DYDC1: variants seen among roughly 807,000 people sequenced by gnomAD.
The protein encoded by DYDC1 is DPY30 domain-containing protein 1.
In DYDC1, 21 loss-of-function variants were observed where a neutral mutation model predicts 27.9. That is an observed-to-expected ratio of 0.75 (90% CI 0.53 to 1.08). DYDC1 has a LOEUF of 1.08. DYDC1 is among the 50% of genes least tolerant of loss of function. The probability of loss-of-function intolerance (pLI) is 0.00; values close to 1 mark genes in which losing one functional copy is unlikely to be tolerated. For synonymous variants in DYDC1, 67 were observed against 65.8 expected, an observed-to-expected ratio of 1.02 and a Z score of -0.09; for missense variants, 202 against 205.9, an observed-to-expected ratio of 0.98 and a Z score of 0.12.
chr10:80,342,128 A>T (rs1437766937), intron 4 of DYDC1, 141 bp downstream of exon 4: 2 of 713,956 alleles, frequency 2.8e-6, no homozygotes, highest in Admixed American at 3.0e-5. Flanking sequence ...AGGTTATGAG[A>T]CTTGTTTAGC....
chr10:80,341,367 C>T (rs1398300428), intron 4 of DYDC1, among the ~76,000 whole-genome samples: 25 of 138,634 alleles, frequency 1.8e-4, no homozygotes, highest in African/African-American at 6.7e-4. Context: ...TGCTTGAACC[C>T]GGGAGGTGGA....
intron 1 of DYDC1, among the ~76,000 whole-genome samples, chr10:80,355,247 T>G (rs1843290426): frequency 6.6e-6 from 1 of 151,846 alleles, no homozygotes; most frequent in African/African-American, 2.4e-5. Flanking sequence ...ATCTAGCATT[T>G]TGCATAAAAT....
intron 3 of DYDC1, among the ~76,000 whole-genome samples, chr10:80,346,444 CTTTTTTTTTTTTTTTTT>C (rs1032729095): frequency 1.2e-5 from 1 of 83,360 alleles, no homozygotes; most frequent in Non-Finnish European, 2.2e-5. Flanking sequence ...TCTTCCCTTT[CTTTTTTTTTTTTTTTTT>C]TTTTTTTTTT....
chr10:80,338,825 G>T (rs190899015), intron 5 of DYDC1, among the ~76,000 whole-genome samples: 15 of 152,222 alleles, frequency 9.9e-5, no homozygotes, highest in Non-Finnish European at 2.1e-4. Flanking sequence ...TAAAATAATT[G>T]TAAGTAATTA....
chr10:80,356,473 C>A, intron 1 of DYDC1: 2 of 985,352 alleles, frequency 2.0e-6, no homozygotes, highest in Non-Finnish European at 2.4e-6. Flanking sequence ...GTTTTCCCAC[C>A]CGGGAGTCTG....
intron 1 of DYDC1, among the ~76,000 whole-genome samples, chr10:80,355,440 T>A (rs1216574372): frequency 6.6e-6 from 1 of 151,992 alleles, no homozygotes; most frequent in Non-Finnish European, 1.5e-5. Context: ...ATCTAGAAAA[T>A]CACATATGCA....
At chr10:80,346,642 A>G (rs545429850) in intron 3 of DYDC1, among the ~76,000 whole-genome samples, 10 of 150,184 alleles carry the variant, frequency 6.7e-5, no homozygotes, top group African/African-American at 2.4e-4. Context: ...TTGTATTTTT[A>G]GTAGAGACGG....
At chr10:80,339,756 T>C (rs977637254) in intron 4 of DYDC1, among the ~76,000 whole-genome samples, 2 of 152,196 alleles carry the variant, frequency 1.3e-5, no homozygotes, top group Non-Finnish European at 2.9e-5. Flanking sequence ...TAACTGACCC[T>C]GAGCTGATTC....
chr10:80,336,435 C>T lies in DYDC1; in HGVS notation c.505-250G>A, dbSNP rs369533089. 6 of 799,620 alleles carry T rather than the reference C, an allele frequency of 7.5e-6. No individual in the cohort carries two copies. The South Asian group carries it at 2.9e-4, about 38-fold the overall frequency. 49.5% of individuals were successfully genotyped at this position (799,620 alleles called of 1,614,324 possible). On this transcript the variant is annotated intron_variant, in intron 6 of 6. Transcript: ENST00000372202. ...TCATCCTTCTTGTAGGCTCCTCTTCCTGTGGCCATCCCTTCAATGTTAGAA... is the reference window on the plus strand; with the variant it reads ...TCATCCTTCTTGTAGGCTCCTCTTCTTGTGGCCATCCCTTCAATGTTAGAA...
intron 3 of DYDC1, among the ~76,000 whole-genome samples, chr10:80,348,322 A>C (rs1271549428): frequency 6.6e-6 from 1 of 152,242 alleles, no homozygotes; most frequent in Non-Finnish European, 1.5e-5. Context: ...CTATTATCAA[A>C]CATTAAATGG....
chr10:80,346,527 C>T (rs1842650043), intron 3 of DYDC1, among the ~76,000 whole-genome samples: 1 of 136,822 alleles, frequency 7.3e-6, no homozygotes, highest in South Asian at 2.4e-4. Context: ...GTGGCGCGAT[C>T]TCAGCTCACT....
At chr10:80,340,153 GC>G (rs1369139086) in intron 4 of DYDC1, among the ~76,000 whole-genome samples, 1 of 152,214 alleles carries the variant, frequency 6.6e-6, no homozygotes, top group Admixed American at 6.5e-5. Flanking sequence ...CCAGGGAGCA[GC>G]AGAGGGGAGA....
chr10:80,337,161 G>C, intron 6 of DYDC1: 1 of 985,404 alleles, frequency 1.0e-6, no homozygotes, highest in Non-Finnish European at 1.2e-6. Context: ...CTCATCTCAG[G>C]CTAATTCCTT....
chr10:80,336,617 C>G (rs987509926), intron 6 of DYDC1, among the ~76,000 whole-genome samples: 7 of 152,368 alleles, frequency 4.6e-5, no homozygotes, highest in African/African-American at 1.4e-4. Context: ...CTGTTCTTGG[C>G]TGTTTTCACC....
chr10:80,338,634 T>G (rs1232164071), intron 5 of DYDC1, 63 bp from the exon 6 acceptor site: 130 of 1,410,482 alleles, frequency 9.2e-5, no homozygotes, highest in Non-Finnish European at 1.2e-4. Context: ...TACTTTTCTT[T>G]CAATTTTGAT....
intron 3 of DYDC1, among the ~76,000 whole-genome samples, chr10:80,346,116 G>A (rs1220656860): frequency 1.3e-5 from 2 of 152,114 alleles, no homozygotes; most frequent in East Asian, 3.9e-4. Flanking sequence ...CCAAAGTACT[G>A]GGATTACAGG....
At chr10:80,352,693 G>A in intron 1 of DYDC1, 83 bp from the exon 2 acceptor site, 1 of 1,441,824 alleles carries the variant, frequency 6.9e-7, no homozygotes, top group Non-Finnish European at 9.1e-7. Flanking sequence ...GGTGAACAAA[G>A]CCTTACATAC....
intron 3 of DYDC1, among the ~76,000 whole-genome samples, chr10:80,349,211 T>C (rs1365910702): frequency 6.6e-6 from 1 of 152,222 alleles, no homozygotes; most frequent in Non-Finnish European, 1.5e-5. Flanking sequence ...TATTTTAAAA[T>C]AGATTTTGAT....
At chr10:80,348,708 G>T (rs1842807648) in intron 3 of DYDC1, among the ~76,000 whole-genome samples, 1 of 152,178 alleles carries the variant, frequency 6.6e-6, no homozygotes, top group South Asian at 2.1e-4. Context: ...ATTCTACAAA[G>T]TAATGCATGC....
Sources: gnomAD v4.1 joint callset for allele counts (sites outside exome capture counted in the v4.1 genomes callset) on GRCh38, gnomAD v4.1.1 for gene constraint, MANE v1.5 for transcripts, NCBI Gene and HGNC (gene_info 2026-07-23, HGNC 2026-07-21) for gene names.